DENND3: variants seen among roughly 807,000 people sequenced by gnomAD.
DENND3 encodes the protein DENN domain-containing protein 3.
In DENND3, 88 loss-of-function variants were observed where a neutral mutation model predicts 135.1. The ratio of observed to expected loss-of-function variants is 0.65; its 90% confidence interval spans 0.55 to 0.78. DENND3 has a LOEUF of 0.78. DENND3 is among the 30% of genes least tolerant of loss of function. The pLI, the probability that DENND3 is intolerant of heterozygous loss-of-function variation, is 0.00. For missense variants in DENND3, 1,392 were observed against 1,688.4 expected, an observed-to-expected ratio of 0.82 and a Z score of 3.08; for synonymous variants, 693 against 712.3, an observed-to-expected ratio of 0.97 and a Z score of 0.43.
rs935952823 is a variant in DENND3, at chr8:141,189,072, C to T, written c.3171C>T (p.Ser1057=). Residue 1057 remains serine, a synonymous_variant, in exon 19 of 23, where the codon TCC becomes TCT. Transcript: ENST00000519811. ...VIYIINVHSM[S]CNKQLTAHCS... ...ACATCATCAACGTCCACAGCATGTC[C>T]TGCAACAAGCAGCTCACAGCCCACT... 3.1e-6 allele frequency: 5 copies of T among 1,614,100 alleles called. No individual in the cohort carries two copies. Among genetic ancestry groups the T allele is most frequent in the Non-Finnish European group, 4.2e-6 (5 of 1,180,040 alleles).
Position 141,138,402 on chromosome 8 carries a change from T to C in DENND3, c.501+265T>C, listed in dbSNP as rs1817036601. The stretch of plus-strand genomic sequence containing the variant: ...CTAATCTGCTTGCTTTTTTTTTTTA[T>C]TGAGATGGAGTCTTGCTCTGTCATC... On this transcript the variant is annotated intron_variant, in intron 3 of 22. Coordinates refer to ENST00000519811, the MANE Select transcript of DENND3 (RefSeq NM_001352890.3). The surrounding 1 kb of genome is among the most constrained non-coding windows in gnomAD (Gnocchi z 4.8). 6.6e-6 allele frequency among the ~76,000 whole-genome samples: 1 copy of C among 151,814 alleles called. No homozygotes were observed. The highest frequency in any genetic ancestry group is 1.5e-5 in the Non-Finnish European group (1 of 67,974).
rs1173932130 is a variant in DENND3 at position 141,146,148 on chromosome 8, G to T, written c.735+1889G>T. Among the ~76,000 whole-genome samples, 1 of 152,010 alleles carries T rather than the reference G, an allele frequency of 6.6e-6. No individual in the cohort carries two copies. Among genetic ancestry groups the T allele is most frequent in the African/African-American group, 2.4e-5 (1 of 41,398 alleles). On this transcript the variant is annotated intron_variant, in intron 5 of 22. Transcript: ENST00000519811. The surrounding 1 kb of genome is among the most constrained non-coding windows in gnomAD (Gnocchi z 4.3). ...AGCGTGAGCCACCGCGCCCGCCCTG[G>T]ATATTGTATTTCATTTGTTAGTGTT...
intron 5 of DENND3, among the ~76,000 whole-genome samples, chr8:141,147,237 G>A (rs1406465557): frequency 6.6e-6 from 1 of 152,202 alleles, no homozygotes; most frequent in African/African-American, 2.4e-5. Context: ...GCGTGACTTG[G>A]GGACCACTGG....
chr8:141,195,321 C>T lies in DENND3; in HGVS notation c.*1088C>T, dbSNP rs1825217585. 1.3e-5 allele frequency: 2 copies of T among 152,346 alleles called. No individual in the cohort carries two copies. Among genetic ancestry groups the T allele is most frequent in the African/African-American group, 2.4e-5 (1 of 41,448 alleles). 9.4% of individuals were successfully genotyped at this position (152,346 alleles called of 1,614,324 possible). A position where few individuals can be genotyped will look rare whatever the true frequency, so the allele number is the denominator to read the frequency against. On this transcript the variant is annotated 3_prime_UTR_variant, in exon 23 of 23. Coordinates refer to ENST00000519811, the MANE Select transcript of DENND3 (RefSeq NM_001352890.3). The stretch of plus-strand genomic sequence containing the variant: ...GGCATGGGGCCTGCCCCCTGGGCAC[C>T]CATCCACAAGCTGGGCCACGGAGCT...
In DENND3 at chr8:141,139,895, T is replaced by C. The variant is rs1249186990; in HGVS notation, c.502-1308T>C. On this transcript the variant is annotated intron_variant, in intron 3 of 22. Transcript: ENST00000519811. The surrounding 1 kb of genome is among the most constrained non-coding windows in gnomAD (Gnocchi z 4.2). ...TTCACTATGTATCCGGATGACGCTA[T>C]ATCTATCGTTTTTTTCTTTCTTTTT... is the stretch of plus-strand genomic sequence containing the variant. Among the ~76,000 whole-genome samples, 3 of 150,070 alleles carry C rather than the reference T, an allele frequency of 2.0e-5. No homozygotes were observed. Among genetic ancestry groups the C allele is most frequent in the Non-Finnish European group, 4.4e-5 (3 of 67,658 alleles).
intron 22 of DENND3, chr8:141,193,092 A>C (rs1436925575): frequency 3.2e-6 from 1 of 310,406 alleles, no homozygotes; most frequent in Non-Finnish European, 6.3e-6. Flanking sequence ...CTGTGCCTGC[A>C]CCACATGGCA....
At chr8:141,161,213 G>A (rs1410387387) in intron 9 of DENND3, among the ~76,000 whole-genome samples, 1 of 152,232 alleles carries the variant, frequency 6.6e-6, no homozygotes, top group Admixed American at 6.5e-5. Flanking sequence ...TCAGTCCGTG[G>A]AGGGCTCTGT....
chr8:141,136,968 A>ATATTTATT (rs568953187), intron 2 of DENND3, among the ~76,000 whole-genome samples, 177 bp downstream of exon 2: 1 of 151,696 alleles, frequency 6.6e-6, no homozygotes, highest in Non-Finnish European at 1.5e-5. Context: ...TTAATTTTTT[A>ATATTTATT]TATTTATTTA....
intron 5 of DENND3, chr8:141,150,443 G>T: frequency 1.7e-6 from 1 of 581,734 alleles, no homozygotes. Flanking sequence ...TTAAAAGAGA[G>T]TTCATAGCAT....
intron 20 of DENND3, chr8:141,192,095 A>G: frequency 2.2e-6 from 1 of 453,648 alleles, no homozygotes. Flanking sequence ...AGAAAAATTA[A>G]GAAACTGCCC....
In DENND3 at chr8:141,138,099, A is replaced by G. The variant is rs1311594153; in HGVS notation, c.463A>G (p.Thr155Ala). The change falls in exon 3 of 23, where the codon ACC becomes GCC. Residue 155 changes from threonine (T) to alanine (A), a missense_variant. Transcript: ENST00000519811. The surrounding 1 kb of genome is among the most constrained non-coding windows in gnomAD (Gnocchi z 4.8). ...GCTGACCGATGTCTGCGGGAATAGG[A>G]CCTATGGCGTGGTGGCCCAGTACTA... is the stretch of plus-strand genomic sequence containing the variant. ...LVLTDVCGNR[T>A]YGVVAQYYRP... 1 of 1,609,772 alleles carries G rather than the reference A, an allele frequency of 6.2e-7. No homozygotes were observed. The highest frequency in any genetic ancestry group is 8.5e-7 in the Non-Finnish European group (1 of 1,177,968).
intron 5 of DENND3, among the ~76,000 whole-genome samples, chr8:141,147,148 G>A (rs1025905997): frequency 1.3e-5 from 2 of 152,130 alleles, no homozygotes; most frequent in Non-Finnish European, 1.5e-5. Flanking sequence ...CAGCCTCGCC[G>A]GACTACCTTC....
intron 20 of DENND3, chr8:141,192,116 G>A (rs968807423): frequency 3.7e-5 from 19 of 512,116 alleles, no homozygotes; most frequent in East Asian, 6.3e-5. Context: ...ATATATTTAC[G>A]TTTTCTGGTG....
At chr8:141,183,731 GTT>G (rs1259209795) in intron 17 of DENND3, among the ~76,000 whole-genome samples, 1 of 133,868 alleles carries the variant, frequency 7.5e-6, no homozygotes, top group African/African-American at 3.0e-5. Context: ...TCAGTTTTTT[GTT>G]TTGTTTTTTT....
In DENND3 at chr8:141,189,145, A is replaced by G. The variant is rs1282918009; in HGVS notation, c.3244A>G (p.Ser1082Gly). 1 of 1,614,194 alleles carries G rather than the reference A, an allele frequency of 6.2e-7. No homozygotes were observed. Among genetic ancestry groups the G allele is most frequent in the Non-Finnish European group, 8.5e-7 (1 of 1,180,018 alleles). ...LIVQDGQEAP[S>G]NVYSCSMDGM... ...TGTGCAGGACGGACAGGAGGCACCC[A>G]GGTGCAGTAAGCTCTGCTGGGGAGA... The change falls in exon 19 of 23, where the codon AGC becomes GGC. Residue 1082 changes from serine (S) to glycine (G), a missense_variant and splice_region_variant. Coordinates refer to ENST00000519811, the MANE Select transcript of DENND3 (RefSeq NM_001352890.3).
At chr8:141,135,849 G>T (rs1486536958) in intron 1 of DENND3, among the ~76,000 whole-genome samples, 2 of 152,208 alleles carry the variant, frequency 1.3e-5, no homozygotes, top group African/African-American at 2.4e-5. Flanking sequence ...TGATTTGAGG[G>T]ACTGTTTGGT....
At chr8:141,151,515 C>A in intron 6 of DENND3, 104 bp from the exon 7 acceptor site, 1 of 1,089,908 alleles carries the variant, frequency 9.2e-7, no homozygotes, top group Non-Finnish European at 1.3e-6. Context: ...GAGCTATGAT[C>A]ACACCACTGC....
chr8:141,167,465 A>G lies in DENND3; in HGVS notation c.1754-539A>G, dbSNP rs1820956360. On this transcript the variant is annotated intron_variant, in intron 12 of 22. Coordinates refer to ENST00000519811, the MANE Select transcript of DENND3 (RefSeq NM_001352890.3). This position sits in a 1 kb window ranked among gnomAD's most constrained non-coding sequence, Gnocchi z 4.1. ...GGTGCCTAGCTCCTGGAGGGCCCTT[A>G]GGTAACATCTATAGAAGGAGTTGGT... Among the ~76,000 whole-genome samples the G allele has an allele frequency of 6.6e-6, 1 of 152,166 alleles. No homozygotes were observed. The highest frequency in any genetic ancestry group is 6.5e-5 in the Admixed American group (1 of 15,274).
At chr8:141,149,963 G>A (rs1028542648) in intron 5 of DENND3, among the ~76,000 whole-genome samples, 1 of 152,200 alleles carries the variant, frequency 6.6e-6, no homozygotes, top group Non-Finnish European at 1.5e-5. Context: ...GACCTTGTTT[G>A]TGACCTGTTT....
Sources: allele counts gnomAD v4.1 joint callset (sites outside exome capture counted in the v4.1 genomes callset), GRCh38; gene constraint gnomAD v4.1.1; non-coding constraint Gnocchi (gnomAD v3.1); transcripts MANE v1.5; gene names NCBI Gene and HGNC (gene_info 2026-07-23, HGNC 2026-07-21).